The following PTCD1 variants were observed in gnomAD, a reference collection of about 807,000 sequenced individuals.
PTCD1 encodes pentatricopeptide repeat domain 1.
In PTCD1, 50 loss-of-function variants were observed where a neutral mutation model predicts 53.4. The observed-to-expected ratio is 0.94, with a 90% CI of 0.75 to 1.19. The LOEUF (loss-of-function observed/expected upper bound fraction) is 1.19. Among genes scored for constraint, PTCD1 ranks in the 50% most tolerant of loss-of-function variants. The pLI, the probability that PTCD1 is intolerant of heterozygous loss-of-function variation, is 0.00. For synonymous variants in PTCD1, 413 were observed against 394.8 expected (o/e 1.05, Z -0.55); for missense variants, 918 against 904.8 (o/e 1.01, Z -0.19).
chr7:99,421,830 GAT>G (rs1409440992), intron 7 of PTCD1, among the ~76,000 whole-genome samples: 5 of 152,100 alleles, frequency 3.3e-5, no homozygotes, highest in African/African-American at 1.2e-4. Context: ...ATGCAAAAGT[GAT>G]ATACATTCAG....
chr7:99,438,326 TG>T (rs1373540002), intron 1 of PTCD1, among the ~76,000 whole-genome samples: 1 of 141,102 alleles, frequency 7.1e-6, no homozygotes, highest in East Asian at 2.1e-4. Flanking sequence ...ATTAGCCAAG[TG>T]TGGTGGTGCA....
rs1411990690 is a variant in PTCD1 at position 99,417,461 on chromosome 7, G to T, written c.*2506C>A. ...TGAATATTGTATTAAAGAAGGCTATGCAGACAAAAACCTGATTGCAAAATG... is the reference window on the plus strand; with the variant it reads ...TGAATATTGTATTAAAGAAGGCTATTCAGACAAAAACCTGATTGCAAAATG... On this transcript the variant is annotated 3_prime_UTR_variant, in exon 8 of 8. Coordinates refer to ENST00000292478, the MANE Select transcript of PTCD1 (RefSeq NM_015545.4). 3.7e-6 allele frequency: 6 copies of T among 1,613,178 alleles called. No homozygotes were observed. Among genetic ancestry groups the T allele is most frequent in the Non-Finnish European group, 5.1e-6 (6 of 1,179,756 alleles).
Position 99,429,651 on chromosome 7 carries a change from G to T in PTCD1, c.750C>A (p.Tyr250Ter). Residue 250 changes from tyrosine to a stop codon, truncating the protein, a stop_gained, in exon 4 of 8, where the codon TAC becomes TAA. Coordinates refer to ENST00000292478, the MANE Select transcript of PTCD1 (RefSeq NM_015545.4). LOFTEE classifies it high-confidence loss of function. ...AKNFELNLKT[Y>*]HALLKMAAKC... ...TGGCAGCCATCTTCAGCAGCGCGTG[G>T]TATGTTTTCAAGTTGAGCTCGAAGT... The T allele has an allele frequency of 6.2e-7, 1 of 1,614,224 alleles. No homozygotes were observed. The highest frequency in any genetic ancestry group is 8.5e-7 in the Non-Finnish European group (1 of 1,180,044).
intron 7 of PTCD1, 141 bp from the exon 8 acceptor site, chr7:99,420,290 T>A: frequency 2.5e-6 from 3 of 1,216,668 alleles, no homozygotes; most frequent in Non-Finnish European, 2.4e-6. Context: ...GCAGAAAAGC[T>A]GTGAACACGC....
At chr7:99,433,017 G>A in intron 3 of PTCD1, 1 of 554,192 alleles carries the variant, frequency 1.8e-6, no homozygotes, top group Non-Finnish European at 3.2e-6. Context: ...CTCCAGCCTA[G>A]GTGACAGAGT....
intron 7 of PTCD1, among the ~76,000 whole-genome samples, chr7:99,420,590 A>G (rs1795759854): frequency 6.6e-6 from 1 of 152,174 alleles, no homozygotes; most frequent in African/African-American, 2.4e-5. Flanking sequence ...CCAGACACAA[A>G]CTGAGAGCTG....
At chr7:99,423,713 G>GGTT (rs1795913152) in intron 7 of PTCD1, 62 bp downstream of exon 7, 2 of 1,610,370 alleles carry the variant, frequency 1.2e-6, no homozygotes, top group African/African-American at 2.7e-5. Flanking sequence ...GGGGTTGGGT[G>GGTT]GTGGGGGGAG....
chr7:99,420,241 G>A (rs1327346182), intron 7 of PTCD1, 92 bp from the exon 8 acceptor site: 16 of 1,575,196 alleles, frequency 1.0e-5, no homozygotes, highest in Non-Finnish European at 1.4e-5. Context: ...GGAAGCTGGT[G>A]GCTGCCATTT....
In PTCD1 at chr7:99,419,882, C is replaced by T; in HGVS notation, c.*85G>A. The T allele has an allele frequency of 6.2e-7, 1 of 1,602,658 alleles. No individual in the cohort carries two copies. Among genetic ancestry groups the T allele is most frequent in the South Asian group, 1.1e-5 (1 of 90,410 alleles). On this transcript the variant is annotated 3_prime_UTR_variant, in exon 8 of 8. Transcript: ENST00000292478. ...GTTCCTCAGGGCCTGGCTCTTCCCC[C>T]AGGCAGGAGGTGACACCAGCTCACT... is the stretch of plus-strand genomic sequence containing the variant.
At chr7:99,423,220 A>C (rs995018248) in intron 7 of PTCD1, among the ~76,000 whole-genome samples, 2 of 152,072 alleles carry the variant, frequency 1.3e-5, no homozygotes, top group African/African-American at 4.8e-5. Context: ...AGCAAGCGAC[A>C]ACCTGTTTGG....
At chr7:99,421,429 T>TA (rs555898363) in intron 7 of PTCD1, among the ~76,000 whole-genome samples, 2,301 of 122,140 alleles carry the variant, frequency 0.019, 27 homozygotes, top group Non-Finnish European at 0.03. Flanking sequence ...CCCGTCTCTT[T>TA]AAAAAAAAAA....
At chr7:99,431,498 T>G (rs1208843248) in intron 3 of PTCD1, among the ~76,000 whole-genome samples, 1 of 152,124 alleles carries the variant, frequency 6.6e-6, no homozygotes, top group East Asian at 1.9e-4. Context: ...TTCTAGCACT[T>G]TGGGAGGCCA....
At chr7:99,428,081 A>G (rs937734567) in intron 5 of PTCD1, among the ~76,000 whole-genome samples, 9 of 151,716 alleles carry the variant, frequency 5.9e-5, no homozygotes, top group Non-Finnish European at 1.2e-4. Context: ...CCTCTGCAAG[A>G]AACACCCAAG....
At position 99,417,522 on chromosome 7, in the gene PTCD1, G is replaced by A. The variant is rs144536498; in HGVS notation, c.*2445C>T. On this transcript the variant is annotated 3_prime_UTR_variant, in exon 8 of 8. Transcript: ENST00000292478. ...GGATATGAGAACTTGTGCTGCCTGC[G>A]GTGCATTCAGACACGGGACACCAAC... The A allele has an allele frequency of 9.3e-6, 15 of 1,611,760 alleles. 1 individual carries two copies. Among genetic ancestry groups the A allele is most frequent in the South Asian group, 6.6e-5 (6 of 90,972 alleles).
Position 99,434,823 on chromosome 7 carries a change from G to C in PTCD1, c.420C>G (p.Phe140Leu). 1.9e-6 allele frequency: 3 copies of C among 1,614,174 alleles called. No individual in the cohort carries two copies. Among genetic ancestry groups the C allele is most frequent in the Non-Finnish European group, 2.5e-6 (3 of 1,180,036 alleles). ...RGRRNTPYWY[F>L]LQCKHLIKEG... ...CCTTGATCAGGTGTTTGCACTGCAA[G>C]AAGTACCAGTACGGGGTGTTTCTCC... The change falls in exon 2 of 8, where the codon TTC becomes TTG. Residue 140 changes from phenylalanine to leucine, a missense_variant. By Grantham distance (22) the Phe-to-Leu change is conservative. Coordinates refer to ENST00000292478, the MANE Select transcript of PTCD1 (RefSeq NM_015545.4).
At position 99,438,691 on chromosome 7, in the gene PTCD1, C is replaced by T; in HGVS notation, c.-27+1G>A. 1 of 1,278,560 alleles carries T rather than the reference C, an allele frequency of 7.8e-7. No individual in the cohort carries two copies. Among genetic ancestry groups the T allele is most frequent in the Non-Finnish European group, 1.0e-6 (1 of 986,886 alleles). The allele number at this position is 1,278,560 out of a possible 1,614,324, so 79.2% of individuals were successfully genotyped here. A position where few individuals can be genotyped will look rare whatever the true frequency, so the allele number is the denominator to read the frequency against. The stretch of plus-strand genomic sequence containing the variant: ...CCTGCGAGGATCACACAGGAACTCA[C>T]TTGAAGTGTCCGGCGCAGTGCACTC... On this transcript the variant is annotated splice_donor_variant, in intron 1 of 7. Coordinates refer to ENST00000292478, the MANE Select transcript of PTCD1 (RefSeq NM_015545.4). LOFTEE classifies it low-confidence loss of function (5UTR_SPLICE).
At position 99,419,458 on chromosome 7, in the gene PTCD1, C is replaced by T; in HGVS notation, c.*509G>A. On this transcript the variant is annotated 3_prime_UTR_variant, in exon 8 of 8. Transcript: ENST00000292478. ...TCTGGCTGAGGCTGGCGCGCTCCAC[C>T]CTGGACTCTGGACTTCGCAGGTTCC... 6.2e-7 allele frequency: 1 copy of T among 1,609,998 alleles called. No homozygotes were observed.
At chr7:99,436,048 C>A (rs1269421202) in intron 1 of PTCD1, among the ~76,000 whole-genome samples, 1 of 152,022 alleles carries the variant, frequency 6.6e-6, no homozygotes, top group Non-Finnish European at 1.5e-5. Context: ...TGTGCTCAAG[C>A]GATCCTCCCA....
intron 7 of PTCD1, among the ~76,000 whole-genome samples, chr7:99,423,501 G>A (rs541173455): frequency 6.0e-4 from 92 of 152,316 alleles, no homozygotes; most frequent in African/African-American, 2.0e-3. Context: ...CACCAATCCC[G>A]AAGCAGGCAA....
Sources: gnomAD v4.1 joint callset for allele counts (sites outside exome capture counted in the v4.1 genomes callset) on GRCh38, gnomAD v4.1.1 for gene constraint, MANE v1.5 for transcripts, NCBI Gene and HGNC (gene_info 2026-07-23, HGNC 2026-07-21) for gene names.